Variants in PIK3R3 observed in about 807,000 individuals in gnomAD.
PIK3R3 encodes the protein phosphatidylinositol 3-kinase regulatory subunit gamma.
Under a neutral mutation model 62.9 loss-of-function variants are expected in PIK3R3, and 64 were observed. The ratio of observed to expected loss-of-function variants is 1.02; its 90% confidence interval spans 0.83 to 1.25. The LOEUF is 1.25. PIK3R3 is among the 50% of genes most tolerant of loss of function. The pLI is 0.00. For synonymous variants in PIK3R3, 165 were observed against 189.0 expected, an observed-to-expected ratio of 0.87 and a Z score of 1.04; for missense variants, 614 against 561.6, an observed-to-expected ratio of 1.09 and a Z score of -0.94.
At chr1:46,174,312 A>G in the PIK3R3 span, among the ~76,000 whole-genome samples, 1 of 152,006 alleles carries the variant, frequency 6.6e-6, no homozygotes, top group African/African-American at 2.4e-5. Flanking sequence ...ACTGATGTTC[A>G]GCAACCCCCA....
the PIK3R3 span, among the ~76,000 whole-genome samples, chr1:46,145,104 C>T: frequency 8.0e-6 from 1 of 125,572 alleles, no homozygotes; most frequent in African/African-American, 3.0e-5. Flanking sequence ...GCCTGGGCAA[C>T]AAGAATGAAA....
chr1:46,145,386 G>T, the PIK3R3 span, among the ~76,000 whole-genome samples: 1 of 147,660 alleles, frequency 6.8e-6, no homozygotes, highest in African/African-American at 2.5e-5. Context: ...AAAAAAAAAA[G>T]ATATTTATTT....
At chr1:46,092,972 T>C (rs1651784056) in intron 1 of PIK3R3, among the ~76,000 whole-genome samples, 1 of 152,174 alleles carries the variant, frequency 6.6e-6, no homozygotes. Flanking sequence ...TACATCATCT[T>C]CAATTGGTTT....
chr1:46,104,985 T>C, intron 1 of PIK3R3: 1 of 714,290 alleles, frequency 1.4e-6, no homozygotes, highest in Non-Finnish European at 2.6e-6. Context: ...CAAAGCATTC[T>C]GCAAACAATC....
intron 5 of PIK3R3, among the ~76,000 whole-genome samples, chr1:46,064,572 G>A (rs1035066042): frequency 2.0e-5 from 3 of 151,878 alleles, no homozygotes; most frequent in Admixed American, 2.0e-4. Context: ...TAAAATTTAG[G>A]TCAATAAATG....
chr1:46,054,125 AGCTCAT>A (rs1165108842), intron 7 of PIK3R3, among the ~76,000 whole-genome samples: 1 of 152,116 alleles, frequency 6.6e-6, no homozygotes, highest in African/African-American at 2.4e-5. Flanking sequence ...TGGGTACAGT[AGCTCAT>A]GCCTATAATC....
chr1:46,167,097 C>T, the PIK3R3 span, among the ~76,000 whole-genome samples: 1 of 152,382 alleles, frequency 6.6e-6, no homozygotes, highest in Admixed American at 6.5e-5. Context: ...ACCCTAGCTG[C>T]GGGACTCTAG....
rs2149396358 is a variant in PIK3R3, at chr1:46,066,320, T to G, written c.496-141A>C. On this transcript the variant is annotated intron_variant, in intron 4 of 9. Transcript: ENST00000262741. ...TTTCAACTGTACAACTTTAAGCCAC[T>G]GTATTAATATCAAGCACACAAATGT... 4 of 610,758 alleles carry G rather than the reference T, an allele frequency of 6.5e-6. No homozygotes were observed. The East Asian group carries it at 1.1e-4, about 17-fold the overall frequency. The allele number at this position is 610,758 out of a possible 1,614,324, so 37.8% of individuals were successfully genotyped here. A position where few individuals can be genotyped will look rare whatever the true frequency, so the allele number is the denominator to read the frequency against.
chr1:46,086,004 T>C (rs1651017406), intron 1 of PIK3R3, among the ~76,000 whole-genome samples: 1 of 152,198 alleles, frequency 6.6e-6, no homozygotes, highest in Admixed American at 6.5e-5. Flanking sequence ...CCTCCCAAAG[T>C]GCTGGGATTA....
chr1:46,139,980 C>T, the PIK3R3 span, among the ~76,000 whole-genome samples: 25 of 152,000 alleles, frequency 1.6e-4, no homozygotes. Context: ...AACTGCTCCC[C>T]ATCTGAAATT....
chr1:46,086,984 T>A lies in PIK3R3; in HGVS notation c.107-6234A>T, dbSNP rs141924679. Among the ~76,000 whole-genome samples the A allele has an allele frequency of 3.9e-3, 597 of 152,024 alleles. 6 individuals carry two copies. The highest frequency in any genetic ancestry group is 0.014 in the African/African-American group (563 of 41,484). ...TTCATCCATGTCCCTACAAAGGACA[T>A]AAACCATCATTCTGAGCGAACTATC... On this transcript the variant is annotated intron_variant, in intron 1 of 9. Transcript: ENST00000262741.
chr1:46,096,230 A>T (rs1006891607), intron 1 of PIK3R3, among the ~76,000 whole-genome samples: 8 of 152,162 alleles, frequency 5.3e-5, no homozygotes, highest in South Asian at 2.1e-4. Flanking sequence ...ACTTTTTTTT[A>T]AAAAACCTAT....
rs921404129 is a variant in PIK3R3, at chr1:46,042,617, C to G, written c.*1056G>C. On this transcript the variant is annotated 3_prime_UTR_variant, in exon 10 of 10. Coordinates refer to ENST00000262741, the MANE Select transcript of PIK3R3 (RefSeq NM_003629.4). This position sits in a 1 kb window ranked among gnomAD's most constrained non-coding sequence, Gnocchi z 4.3. ...ACCATGTTTACTATTTCTGCAGGGC[C>G]TTTAAACTTGGGGAAGCACATATAA... 32 of 222,068 alleles carry G rather than the reference C, an allele frequency of 1.4e-4. No individual in the cohort carries two copies. The highest frequency in any genetic ancestry group is 1.9e-4 in the Non-Finnish European group (21 of 110,876). 13.8% of individuals were successfully genotyped at this position (222,068 alleles called of 1,614,324 possible). A position where few individuals can be genotyped will look rare whatever the true frequency, so the allele number is the denominator to read the frequency against.
At chr1:46,095,020 A>T (rs927867168) in intron 1 of PIK3R3, among the ~76,000 whole-genome samples, 5 of 152,208 alleles carry the variant, frequency 3.3e-5, no homozygotes, top group African/African-American at 9.6e-5. Context: ...TACATTTTTT[A>T]AAAACTGTTT....
chr1:46,117,640 G>C (rs904324818), intron 1 of PIK3R3, among the ~76,000 whole-genome samples: 3 of 152,038 alleles, frequency 2.0e-5, no homozygotes, highest in South Asian at 4.2e-4. Flanking sequence ...CCAGCTACTC[G>C]GGAGGCTGAG....
chr1:46,124,867 G>A (rs1189285220), intron 1 of PIK3R3, among the ~76,000 whole-genome samples: 1 of 151,836 alleles, frequency 6.6e-6, no homozygotes, highest in African/African-American at 2.4e-5. Context: ...GGAGGCCGAG[G>A]CGGGTGGATT....
rs866927502 is a variant in PIK3R3, at chr1:46,043,723, C to T, written c.1336G>A (p.Val446Ile). ...GCATGAACAGGGTAGGCAAGCCTGA[C>T]GTTGAGGGAGTCGTTGTGCTGAACC... ...SLVQHNDSLN[V>I]RLAYPVHAQM... is the part of the protein sequence containing the mutation. The change falls in exon 10 of 10, where the codon GTC becomes ATC. Residue 446 changes from valine to isoleucine, a missense_variant. Val to Ile is a conservative substitution (Grantham distance 29, BLOSUM62 3). Transcript: ENST00000262741. 15 of 1,614,076 alleles carry T rather than the reference C, an allele frequency of 9.3e-6. No individual in the cohort carries two copies. The highest frequency in any genetic ancestry group is 3.3e-5 in the Admixed American group (2 of 60,006).
the PIK3R3 span, among the ~76,000 whole-genome samples, chr1:46,145,692 C>T: frequency 4.6e-5 from 7 of 152,318 alleles, no homozygotes; most frequent in East Asian, 7.7e-4. Flanking sequence ...AACACTGCCA[C>T]GTTGGGGATC....
chr1:46,065,183 T>C (rs962598703), intron 5 of PIK3R3, among the ~76,000 whole-genome samples: 1 of 152,216 alleles, frequency 6.6e-6, no homozygotes, highest in Non-Finnish European at 1.5e-5. Flanking sequence ...TCTGAAGATA[T>C]TCACCTTCAT....
Sources: allele counts gnomAD v4.1 joint callset (sites outside exome capture counted in the v4.1 genomes callset), GRCh38; gene constraint gnomAD v4.1.1; non-coding constraint Gnocchi (gnomAD v3.1); transcripts MANE v1.5; gene names NCBI Gene and HGNC (gene_info 2026-07-23, HGNC 2026-07-21).